Variants in KAZN observed in about 807,000 individuals in gnomAD.
KAZN encodes the protein kazrin, periplakin interacting protein.
KAZN carries 40 observed loss-of-function variants against 87.4 expected under a neutral mutation model. The observed-to-expected ratio is 0.46, with a 90% CI of 0.36 to 0.60. The LOEUF (loss-of-function observed/expected upper bound fraction) is 0.60. KAZN is among the 20% of genes least tolerant of loss of function. The pLI is 0.00. For synonymous variants in KAZN, 466 were observed against 458.3 expected (o/e 1.02, Z -0.22); for missense variants, 898 against 1,073.9 (o/e 0.84, Z 2.29).
chr1:15,032,439 G>A (rs566368901), intron 2 of KAZN, among the ~76,000 whole-genome samples: 4 of 151,522 alleles, frequency 2.6e-5, no homozygotes, highest in East Asian at 3.9e-4. Flanking sequence ...TGATCTGCCC[G>A]CCTCAGCCTC....
chr1:14,555,828 G>A (rs561440532), intron 2 of KAZN, among the ~76,000 whole-genome samples: 9 of 152,180 alleles, frequency 5.9e-5, no homozygotes, highest in Non-Finnish European at 1.0e-4. Flanking sequence ...AACTGACCCC[G>A]ATGTTTGTAC....
chr1:15,002,840 G>A (rs1205610360), intron 2 of KAZN, among the ~76,000 whole-genome samples: 1 of 151,994 alleles, frequency 6.6e-6, no homozygotes, highest in Non-Finnish European at 1.5e-5. Context: ...GCCTGGTATG[G>A]TGGTGGGCGC....
Position 15,103,319 on chromosome 1 carries a change from T to C in KAZN, c.1780-40T>C. 4 of 1,476,884 alleles carry C rather than the reference T, an allele frequency of 2.7e-6. No homozygotes were observed. The East Asian group carries it at 9.9e-5, about 37-fold the overall frequency. The allele number at this position is 1,476,884 out of a possible 1,614,324, so 91.5% of individuals were successfully genotyped here. On this transcript the variant is annotated intron_variant, in intron 11 of 14. Transcript: ENST00000376030. ...CCACTCCACACGTGGCCTCTGCGTG[T>C]CCCCTTGTCCCTCCGAATGACCCAC...
intron 1 of KAZN, among the ~76,000 whole-genome samples, chr1:14,655,143 TGTGAACACTCATCTGGCCTCTG>T (rs202084289): frequency 0.051 from 7,818 of 152,190 alleles, 297 homozygotes; most frequent in African/African-American, 0.09. Context: ...GGCTGCACTT[TGTGAACACTCATCTGGCCTCTG>T]GTGAACACTC....
chr1:14,829,692 A>G (rs1230058170), intron 1 of KAZN, among the ~76,000 whole-genome samples: 4 of 152,230 alleles, frequency 2.6e-5, no homozygotes, highest in Admixed American at 2.6e-4. Flanking sequence ...TGTTACAGGC[A>G]GACAGAATGA....
intron 8 of KAZN, among the ~76,000 whole-genome samples, chr1:15,080,910 G>A (rs1639975699): frequency 6.6e-6 from 1 of 152,218 alleles, no homozygotes. Context: ...TGGAGGCCAG[G>A]GATGCTGCTA....
At chr1:14,210,338 C>A (rs1163372847) in intron 2 of KAZN, among the ~76,000 whole-genome samples, 1 of 152,170 alleles carries the variant, frequency 6.6e-6, no homozygotes, top group Admixed American at 6.5e-5. Context: ...TGTGAGGCTT[C>A]CCCAGCCATG....
At chr1:14,666,596 G>T (rs537772235) in intron 1 of KAZN, among the ~76,000 whole-genome samples, 1 of 152,106 alleles carries the variant, frequency 6.6e-6, no homozygotes, top group African/African-American at 2.4e-5. Context: ...AAGGATACAC[G>T]CCCTCTGAAG....
At chr1:13,938,154 A>G (rs1198553180) in intron 1 of KAZN, among the ~76,000 whole-genome samples, 2 of 152,160 alleles carry the variant, frequency 1.3e-5, no homozygotes, top group Non-Finnish European at 2.9e-5. Context: ...GATTCTTCCA[A>G]TCCATGAGCA....
chr1:14,621,024 G>A (rs919632279), intron 1 of KAZN, among the ~76,000 whole-genome samples: 3 of 152,122 alleles, frequency 2.0e-5, no homozygotes, highest in Non-Finnish European at 4.4e-5. Context: ...TTGCTGGCTG[G>A]CCACAGAGCA....
chr1:14,165,330 T>C (rs184793205), intron 1 of KAZN, among the ~76,000 whole-genome samples: 18 of 152,206 alleles, frequency 1.2e-4, no homozygotes, highest in African/African-American at 4.1e-4. Context: ...CTGTGTCTAC[T>C]CCACTCCCTG....
intron 1 of KAZN, among the ~76,000 whole-genome samples, chr1:14,081,915 T>A (rs1381006297): frequency 6.6e-6 from 1 of 152,114 alleles, no homozygotes; most frequent in African/African-American, 2.4e-5. Flanking sequence ...GGATTACAGG[T>A]GTGTGCCATC....
chr1:14,145,644 G>C (rs976664446), intron 1 of KAZN, among the ~76,000 whole-genome samples: 1 of 151,620 alleles, frequency 6.6e-6, no homozygotes, highest in African/African-American at 2.4e-5. Flanking sequence ...GCAGTGGTGT[G>C]ATCTTGGCTC....
chr1:14,138,732 C>A (rs2101757748), intron 1 of KAZN, among the ~76,000 whole-genome samples: 1 of 152,320 alleles, frequency 6.6e-6, no homozygotes, highest in African/African-American at 2.4e-5. Flanking sequence ...GTTGCCTCCC[C>A]TTTCCAATTT....
chr1:14,780,810 G>A (rs1408965694), intron 1 of KAZN, among the ~76,000 whole-genome samples: 3 of 152,232 alleles, frequency 2.0e-5, no homozygotes, highest in Admixed American at 6.5e-5. Context: ...AGTCTAGAGT[G>A]AATTGAGTCC....
At chr1:14,674,701 G>A (rs1640112720) in intron 1 of KAZN, among the ~76,000 whole-genome samples, 1 of 152,216 alleles carries the variant, frequency 6.6e-6, no homozygotes, top group African/African-American at 2.4e-5. Flanking sequence ...GCTGAAAGTA[G>A]ACAGAGATTC....
chr1:14,557,636 GT>G (rs1673977356), intron 2 of KAZN, among the ~76,000 whole-genome samples: 20 of 47,070 alleles, frequency 4.2e-4, no homozygotes, highest in African/African-American at 1.3e-3. Flanking sequence ...GTGGGTGTGT[GT>G]GTGTGTGTGT....
intron 2 of KAZN, among the ~76,000 whole-genome samples, chr1:14,417,943 C>T (rs1664943508): frequency 1.6e-5 from 2 of 125,512 alleles, no homozygotes; most frequent in African/African-American, 3.1e-5. Flanking sequence ...ATGCAGTGAG[C>T]AGAAATCACA....
At chr1:14,279,980 C>A (rs1652714121) in intron 2 of KAZN, among the ~76,000 whole-genome samples, 1 of 152,056 alleles carries the variant, frequency 6.6e-6, no homozygotes, top group Non-Finnish European at 1.5e-5. Flanking sequence ...CGTGTCCCCC[C>A]AAAAATCCAG....
Sources: gnomAD v4.1 joint callset for allele counts (sites outside exome capture counted in the v4.1 genomes callset) on GRCh38, gnomAD v4.1.1 for gene constraint, MANE v1.5 for transcripts, NCBI Gene and HGNC (gene_info 2026-07-23, HGNC 2026-07-21) for gene names.